Variants in UNC5C observed in about 807,000 individuals in gnomAD.
The protein encoded by UNC5C is netrin receptor UNC5C.
UNC5C carries 47 observed loss-of-function variants against 99.8 expected under a neutral mutation model. That is an observed-to-expected ratio of 0.47 (90% CI 0.37 to 0.60). The LOEUF is 0.60. Among genes scored for constraint, UNC5C ranks in the 20% least tolerant of loss-of-function variants. The pLI, the probability that UNC5C is intolerant of heterozygous loss-of-function variation, is 0.00. For synonymous variants in UNC5C, 487 were observed against 452.2 expected, an observed-to-expected ratio of 1.08 and a Z score of -0.98; for missense variants, 1,062 against 1,165.9, an observed-to-expected ratio of 0.91 and a Z score of 1.30.
intron 1 of UNC5C, among the ~76,000 whole-genome samples, chr4:95,396,193 G>T (rs1745503746): frequency 6.6e-6 from 1 of 152,124 alleles, no homozygotes; most frequent in Non-Finnish European, 1.5e-5. Flanking sequence ...TAGAAAACAT[G>T]TGCTGACCCA....
intron 1 of UNC5C, among the ~76,000 whole-genome samples, chr4:95,430,433 C>T (rs1268403947): frequency 6.6e-6 from 1 of 152,022 alleles, no homozygotes; most frequent in Non-Finnish European, 1.5e-5. Flanking sequence ...TACCCAAAAT[C>T]AATGATAAAA....
chr4:95,337,640 A>G (rs1466190465), intron 1 of UNC5C, among the ~76,000 whole-genome samples: 1 of 151,990 alleles, frequency 6.6e-6, no homozygotes, highest in African/African-American at 2.4e-5. Context: ...GGGCAAACTA[A>G]CTTTGTATTT....
At chr4:95,190,093 A>G (rs980014508) in intron 12 of UNC5C, among the ~76,000 whole-genome samples, 5 of 152,184 alleles carry the variant, frequency 3.3e-5, no homozygotes, top group Admixed American at 6.5e-5. Flanking sequence ...AACCAACCCA[A>G]ATGCCCATCA....
chr4:95,333,389 T>C (rs1743200090), intron 2 of UNC5C, among the ~76,000 whole-genome samples: 3 of 152,024 alleles, frequency 2.0e-5, no homozygotes, highest in African/African-American at 7.2e-5. Context: ...TACTATGCAG[T>C]CATAAAAAAT....
chr4:95,212,052 A>T (rs1738092236), intron 10 of UNC5C, among the ~76,000 whole-genome samples: 1 of 152,220 alleles, frequency 6.6e-6, no homozygotes, highest in South Asian at 2.1e-4. Context: ...ATTTTACAAA[A>T]TTCCAAAAAA....
intron 1 of UNC5C, among the ~76,000 whole-genome samples, chr4:95,449,026 C>T (rs1458498969): frequency 6.6e-6 from 1 of 152,082 alleles, no homozygotes; most frequent in Non-Finnish European, 1.5e-5. Context: ...ACTCCCCACA[C>T]ATCCCCACAT....
intron 9 of UNC5C, among the ~76,000 whole-genome samples, chr4:95,216,480 G>A (rs1274718616): frequency 2.0e-5 from 3 of 151,838 alleles, no homozygotes; most frequent in Admixed American, 1.3e-4. Flanking sequence ...TGTTTTCCTT[G>A]CAAGACAAGG....
chr4:95,538,778 G>T (rs1328101092), intron 1 of UNC5C, among the ~76,000 whole-genome samples: 1 of 152,122 alleles, frequency 6.6e-6, no homozygotes, highest in Non-Finnish European at 1.5e-5. Flanking sequence ...ATATTCATAT[G>T]TTAACCTGTA....
intron 1 of UNC5C, among the ~76,000 whole-genome samples, chr4:95,360,953 C>T (rs1035688617): frequency 1.1e-4 from 17 of 152,078 alleles, no homozygotes; most frequent in African/African-American, 3.1e-4. Context: ...TGAGTATATG[C>T]GGTTATTTTT....
intron 12 of UNC5C, among the ~76,000 whole-genome samples, chr4:95,197,395 T>C (rs918257819): frequency 4.6e-5 from 7 of 152,074 alleles, no homozygotes; most frequent in African/African-American, 1.4e-4. Context: ...TACGAAAATA[T>C]CAAATGCTGG....
At chr4:95,278,398 TA>T (rs1332012193) in intron 3 of UNC5C, 36 bp from the exon 4 acceptor site, 2 of 1,541,280 alleles carry the variant, frequency 1.3e-6, no homozygotes, top group African/African-American at 2.7e-5. Context: ...ATGTCAAAAT[TA>T]AACAACATTT....
intron 4 of UNC5C, among the ~76,000 whole-genome samples, chr4:95,272,248 T>C (rs1740690287): frequency 6.6e-6 from 1 of 152,214 alleles, no homozygotes; most frequent in African/African-American, 2.4e-5. Flanking sequence ...ACCAGAAAAA[T>C]GTCTGGCATA....
At chr4:95,228,133 T>C (rs1738763189) in intron 7 of UNC5C, among the ~76,000 whole-genome samples, 1 of 152,160 alleles carries the variant, frequency 6.6e-6, no homozygotes, top group Non-Finnish European at 1.5e-5. Flanking sequence ...AGCAACAATA[T>C]ACCTAAATGT....
chr4:95,327,335 C>T (rs1742926243), intron 2 of UNC5C, among the ~76,000 whole-genome samples: 1 of 151,880 alleles, frequency 6.6e-6, no homozygotes, highest in Admixed American at 6.6e-5. Context: ...TGATAGCAGG[C>T]AAAGAGAGGC....
At chr4:95,390,969 G>C (rs1745341698) in intron 1 of UNC5C, among the ~76,000 whole-genome samples, 1 of 152,144 alleles carries the variant, frequency 6.6e-6, no homozygotes, top group Non-Finnish European at 1.5e-5. Flanking sequence ...GTTGTGGGAG[G>C]GACCAGGTGG....
intron 1 of UNC5C, among the ~76,000 whole-genome samples, chr4:95,358,087 C>CA (rs1263721501): frequency 1.3e-5 from 2 of 151,760 alleles, no homozygotes; most frequent in Non-Finnish European, 2.9e-5. Flanking sequence ...ACAATATTTA[C>CA]AAAAAAACAA....
At chr4:95,418,891 T>C (rs1746242397) in intron 1 of UNC5C, among the ~76,000 whole-genome samples, 1 of 152,132 alleles carries the variant, frequency 6.6e-6, no homozygotes. Context: ...TTCCTCCTCC[T>C]CTGTTCTGCC....
chr4:95,311,497 C>T (rs1742274731), intron 2 of UNC5C, among the ~76,000 whole-genome samples: 1 of 152,106 alleles, frequency 6.6e-6, no homozygotes, highest in African/African-American at 2.4e-5. Context: ...TTACTACATG[C>T]ATGTCTTTGC....
intron 1 of UNC5C, among the ~76,000 whole-genome samples, chr4:95,358,294 T>A (rs1483968042): frequency 1.3e-5 from 2 of 152,198 alleles, no homozygotes; most frequent in African/African-American, 2.4e-5. Flanking sequence ...TTGTGGCATG[T>A]GATAGAATTC....
Sources: allele counts gnomAD v4.1 joint callset (sites outside exome capture counted in the v4.1 genomes callset), GRCh38; gene constraint gnomAD v4.1.1; transcripts MANE v1.5; gene names NCBI Gene and HGNC (gene_info 2026-07-23, HGNC 2026-07-21).